Variants in SLC7A14 observed in about 807,000 individuals in gnomAD.
SLC7A14 encodes solute carrier family 7 member 14.
In SLC7A14, 37 loss-of-function variants were observed where a neutral mutation model predicts 60.2. That is an observed-to-expected ratio of 0.61 (90% CI 0.47 to 0.81). The LOEUF is 0.81. Among genes scored for constraint, SLC7A14 ranks in the 30% least tolerant of loss-of-function variants. The pLI is 0.00. For missense variants in SLC7A14, 886 were observed against 982.7 expected (o/e 0.90, Z 1.32); for synonymous variants, 399 against 395.8 (o/e 1.01, Z -0.10).
At chr3:170,578,400 A>G (rs1715154724) in intron 1 of SLC7A14, among the ~76,000 whole-genome samples, 2 of 152,246 alleles carry the variant, frequency 1.3e-5, no homozygotes, top group South Asian at 4.1e-4. Flanking sequence ...GAGCTAAAAT[A>G]GAAATTCTCC....
chr3:170,480,282 TG>T lies in SLC7A14; in HGVS notation c.1993+6del, dbSNP rs1281341852. 6.6e-7 allele frequency: 1 copy of T among 1,520,230 alleles called. No homozygotes were observed. The highest frequency in any genetic ancestry group is 8.8e-7 in the Non-Finnish European group (1 of 1,135,354). 94.2% of individuals were successfully genotyped at this position (1,520,230 alleles called of 1,614,324 possible). On this transcript the variant is annotated splice_donor_region_variant and intron_variant, in intron 7 of 7. Transcript: ENST00000231706. ...GAACTCTTAAGGCTCCAAAGGAAGT[TG>T]CTTACCCACAAAGCACCAGACCGCA...
chr3:170,507,040 A>G (rs1012148735), intron 2 of SLC7A14, among the ~76,000 whole-genome samples: 5 of 152,190 alleles, frequency 3.3e-5, no homozygotes, highest in Admixed American at 2.0e-4. Context: ...GTACTTTTAA[A>G]TAAGTGTACT....
At chr3:170,496,597 C>A in intron 4 of SLC7A14, 1 of 1,591,010 alleles carries the variant, frequency 6.3e-7, no homozygotes, top group Non-Finnish European at 8.6e-7. Context: ...ATGGAGATCG[C>A]CACCTACAGG....
At chr3:170,537,847 A>G (rs1713895223) in intron 1 of SLC7A14, among the ~76,000 whole-genome samples, 2 of 152,244 alleles carry the variant, frequency 1.3e-5, no homozygotes, top group African/African-American at 4.8e-5. Context: ...TGAATGGAGC[A>G]GCCTATATTT....
intron 1 of SLC7A14, among the ~76,000 whole-genome samples, chr3:170,546,317 A>C (rs997158234): frequency 6.6e-6 from 1 of 152,080 alleles, no homozygotes; most frequent in Non-Finnish European, 1.5e-5. Context: ...TTTTTTTAGG[A>C]CAGTGAAAAC....
intron 1 of SLC7A14, among the ~76,000 whole-genome samples, chr3:170,555,431 A>G (rs549091927): frequency 6.6e-6 from 1 of 152,298 alleles, no homozygotes; most frequent in East Asian, 1.9e-4. Context: ...GATGATTAAA[A>G]TATTCTTATA....
chr3:170,584,922 C>G (rs890687437), intron 1 of SLC7A14, among the ~76,000 whole-genome samples: 1 of 152,206 alleles, frequency 6.6e-6, no homozygotes, highest in Non-Finnish European at 1.5e-5. Context: ...CTCAAGGAAA[C>G]GAGCTTCACA....
At chr3:170,563,974 C>A (rs184007900) in intron 1 of SLC7A14, among the ~76,000 whole-genome samples, 1 of 152,248 alleles carries the variant, frequency 6.6e-6, no homozygotes, top group Admixed American at 6.5e-5. Context: ...ATAATTCCAG[C>A]CTTACTATTA....
rs575753371 is a variant in SLC7A14, at chr3:170,509,939, G to A, written c.305-8594C>T. 1.3e-4 allele frequency among the ~76,000 whole-genome samples: 19 copies of A among 151,994 alleles called. 1 individual carries two copies. Among genetic ancestry groups the A allele is most frequent in the African/African-American group, 2.4e-4 (10 of 41,452 alleles). On this transcript the variant is annotated intron_variant, in intron 2 of 7. Transcript: ENST00000231706. ...ATTAAAAATACAAAATTAGCTGGGCGTGGTGATGCATGCCTGTAATTCCAG... is the reference window on the plus strand; with the variant it reads ...ATTAAAAATACAAAATTAGCTGGGCATGGTGATGCATGCCTGTAATTCCAG...
At chr3:170,584,748 G>A (rs929451724) in intron 1 of SLC7A14, among the ~76,000 whole-genome samples, 1 of 152,156 alleles carries the variant, frequency 6.6e-6, no homozygotes, top group Admixed American at 6.5e-5. Context: ...TCAGTCGGAG[G>A]AGGAGAGCTA....
chr3:170,562,531 G>A (rs925093857), intron 1 of SLC7A14, among the ~76,000 whole-genome samples: 3 of 151,982 alleles, frequency 2.0e-5, no homozygotes, highest in African/African-American at 7.2e-5. Context: ...ACTACAAATT[G>A]GGTTCAGTGT....
intron 2 of SLC7A14, among the ~76,000 whole-genome samples, chr3:170,525,779 G>A (rs1713474712): frequency 1.3e-5 from 2 of 152,208 alleles, no homozygotes; most frequent in Admixed American, 1.3e-4. Context: ...AATAGGCCGG[G>A]AGCGGAGGTT....
At chr3:170,504,053 T>A (rs936695907) in intron 2 of SLC7A14, among the ~76,000 whole-genome samples, 47 of 152,218 alleles carry the variant, frequency 3.1e-4, no homozygotes, top group African/African-American at 9.9e-4. Context: ...TTGGACACAC[T>A]GTAAAAGATC....
intron 1 of SLC7A14, among the ~76,000 whole-genome samples, chr3:170,547,900 G>A (rs1264407086): frequency 2.6e-5 from 4 of 151,992 alleles, no homozygotes; most frequent in African/African-American, 7.3e-5. Flanking sequence ...TTTCTCATAA[G>A]CAATGCTACG....
intron 1 of SLC7A14, among the ~76,000 whole-genome samples, chr3:170,528,564 G>A (rs969848477): frequency 3.9e-5 from 6 of 152,102 alleles, no homozygotes; most frequent in African/African-American, 7.2e-5. Context: ...CTTTTCAAAC[G>A]CTAATTAGAA....
At chr3:170,527,186 A>T (rs982277361) in intron 1 of SLC7A14, 98 bp from the exon 2 acceptor site, 1 of 538,326 alleles carries the variant, frequency 1.9e-6, no homozygotes, top group Non-Finnish European at 3.3e-6. Flanking sequence ...AACTGGTAGA[A>T]CTGGTCTACC....
In SLC7A14 at chr3:170,481,216, T is replaced by C. The variant is rs571853325; in HGVS notation, c.1116-50A>G. 3.2e-6 allele frequency: 5 copies of C among 1,554,726 alleles called. No individual in the cohort carries two copies. The African/African-American group carries it at 4.1e-5, about 13-fold the overall frequency. ...GTTAATGGTGAGCTACAGTGACCGA[T>C]TCCAGTGCAGCCAACATAGGGAGCT... On this transcript the variant is annotated intron_variant, in intron 6 of 7. Transcript: ENST00000231706.
chr3:170,495,047 T>C (rs913471576), intron 4 of SLC7A14, among the ~76,000 whole-genome samples: 4 of 152,304 alleles, frequency 2.6e-5, no homozygotes, highest in Admixed American at 2.6e-4. Context: ...TCAAAAGTTT[T>C]GTTTTAAGGG....
intron 2 of SLC7A14, among the ~76,000 whole-genome samples, chr3:170,507,621 G>A (rs575834226): frequency 1.3e-5 from 2 of 152,198 alleles, no homozygotes; most frequent in Non-Finnish European, 2.9e-5. Context: ...TGTGGAAGAT[G>A]AGCCTGCAGA....
Sources: allele counts gnomAD v4.1 joint callset (sites outside exome capture counted in the v4.1 genomes callset), GRCh38; gene constraint gnomAD v4.1.1; transcripts MANE v1.5; gene names NCBI Gene and HGNC (gene_info 2026-07-23, HGNC 2026-07-21).